The following ABI3BP variants were observed in gnomAD, a reference collection of about 807,000 sequenced individuals.
The protein encoded by ABI3BP is target of Nesh-SH3.
A neutral mutation model predicts 268.6 loss-of-function variants in ABI3BP; 216 were observed. The ratio of observed to expected loss-of-function variants is 0.80; its 90% CI spans 0.72 to 0.90. The LOEUF is 0.90. Among genes scored for constraint, ABI3BP ranks in the 40% least tolerant of loss-of-function variants. The pLI is 0.00. For synonymous variants in ABI3BP, 730 were observed against 730.0 expected (o/e 1.00, Z 0.00); for missense variants, 2,090 against 2,182.4 (o/e 0.96, Z 0.84).
chr3:100,850,585 T>C (rs2098826370), intron 16 of ABI3BP, 75 bp downstream of exon 16: 2 of 1,091,188 alleles, frequency 1.8e-6, no homozygotes, highest in Non-Finnish European at 2.8e-6. Flanking sequence ...GAAATGGTCA[T>C]TTGGAAGAAA....
At chr3:100,808,274 T>TG (rs2097766598) in intron 49 of ABI3BP, 39 bp from the exon 50 acceptor site, 1 of 1,509,804 alleles carries the variant, frequency 6.6e-7, no homozygotes, top group African/African-American at 1.4e-5. Flanking sequence ...CTTGAGCCCT[T>TG]CAAGAATGAC....
Position 100,778,367 on chromosome 3 carries a change from C to T in ABI3BP, c.4250G>A (p.Arg1417His), listed in dbSNP as rs775925923. Residue 1417 changes from arginine (R) to histidine (H), a missense_variant, in exon 59 of 68, where the codon CGC becomes CAC. Arg to His is a conservative substitution (Grantham distance 29). Transcript: ENST00000471714. ...THPTKKPGTR[R>H]PPLPPRPTHP... is the part of the protein sequence containing the mutation. ...TGTAGGTCTGGGTGGCAAGGGTGGG[C>T]GGCGAGTCCCTGGGATTGTGGATAA... 233 of 1,578,334 alleles carry T rather than the reference C, an allele frequency of 1.5e-4. No individual in the cohort carries two copies. The highest frequency in any genetic ancestry group is 5.0e-4 in the Middle Eastern group (3 of 5,960).
intron 1 of ABI3BP, among the ~76,000 whole-genome samples, chr3:100,926,816 T>G (rs2061937795): frequency 6.6e-6 from 1 of 152,116 alleles, no homozygotes; most frequent in Non-Finnish European, 1.5e-5. Flanking sequence ...AATTTTTTTA[T>G]TGGTAAAATT....
At chr3:100,972,028 T>TCATC (rs565344337) in intron 1 of ABI3BP, among the ~76,000 whole-genome samples, 4 of 152,130 alleles carry the variant, frequency 2.6e-5, no homozygotes, top group Non-Finnish European at 5.9e-5. Flanking sequence ...GGATGGAATG[T>TCATC]CATCCTTCCC....
At chr3:100,783,123 C>T (rs974410743) in intron 57 of ABI3BP, among the ~76,000 whole-genome samples, 1 of 152,146 alleles carries the variant, frequency 6.6e-6, no homozygotes, top group African/African-American at 2.4e-5. Flanking sequence ...CTTAAATGTA[C>T]CAGTGACTTC....
At position 100,899,612 on chromosome 3, in the gene ABI3BP, G is replaced by T. The variant is rs77620993; in HGVS notation, c.329-718C>A. Reference sequence around the variant, plus strand: ...ATTGTGTTCAAGTACACAGAAGCAGGCACTTGCACTTTCAAAATTATCTGA... The same window carrying T: ...ATTGTGTTCAAGTACACAGAAGCAGTCACTTGCACTTTCAAAATTATCTGA... On this transcript the variant is annotated intron_variant, in intron 3 of 67. Coordinates refer to ENST00000471714, the MANE Select transcript of ABI3BP (RefSeq NM_001375547.2). Among the ~76,000 whole-genome samples, 595 of 152,244 alleles carry T rather than the reference G, an allele frequency of 3.9e-3. 4 individuals are homozygous for T. The highest frequency in any genetic ancestry group is 0.013 in the African/African-American group (537 of 41,534).
chr3:100,992,741 G>C (rs2093147078), intron 1 of ABI3BP, among the ~76,000 whole-genome samples: 1 of 152,152 alleles, frequency 6.6e-6, no homozygotes, highest in Admixed American at 6.5e-5. Flanking sequence ...CCAAGAAAGG[G>C]GGGAGTGTCC....
chr3:100,837,095 T>C lies in ABI3BP; in HGVS notation c.2131+29A>G, dbSNP rs545187295. On this transcript the variant is annotated intron_variant, in intron 27 of 67. Coordinates refer to ENST00000471714, the MANE Select transcript of ABI3BP (RefSeq NM_001375547.2). ...TGAGAGGCGCAAGCTCAGAGAAACA[T>C]TGGCCAAGAAGGAAGAAAGCATCAT... 6.0e-5 allele frequency: 91 copies of C among 1,519,220 alleles called. No homozygotes were observed. The African/African-American group carries it at 1.1e-3, about 19-fold the overall frequency. 94.1% of individuals were successfully genotyped at this position (1,519,220 alleles called of 1,614,324 possible). A position where few individuals can be genotyped will look rare whatever the true frequency, so the allele number is the denominator to read the frequency against.
At chr3:100,786,846 T>G (rs1017451896) in intron 57 of ABI3BP, among the ~76,000 whole-genome samples, 1 of 152,154 alleles carries the variant, frequency 6.6e-6, no homozygotes, top group Non-Finnish European at 1.5e-5. Context: ...GGTTTGAAGA[T>G]AAGTGAATTC....
intron 62 of ABI3BP, 150 bp from the exon 63 acceptor site, chr3:100,766,099 T>C: frequency 1.7e-6 from 1 of 595,574 alleles, no homozygotes; most frequent in Non-Finnish European, 3.0e-6. Flanking sequence ...ACATTGGCAA[T>C]TTCCATATGG....
chr3:100,964,413 C>T (rs774611200), intron 1 of ABI3BP, among the ~76,000 whole-genome samples: 26 of 152,172 alleles, frequency 1.7e-4, no homozygotes, highest in South Asian at 4.1e-4. Flanking sequence ...CCGGGGCATC[C>T]GCCGCCAGCC....
chr3:100,841,943 A>G, intron 21 of ABI3BP, 55 bp downstream of exon 21: 2 of 1,328,912 alleles, frequency 1.5e-6, no homozygotes, highest in Non-Finnish European at 2.1e-6. Flanking sequence ...ACAAAGTTGA[A>G]CATGGAGAGT....
At chr3:100,937,124 A>G (rs947438116) in intron 1 of ABI3BP, among the ~76,000 whole-genome samples, 4 of 152,194 alleles carry the variant, frequency 2.6e-5, no homozygotes, top group African/African-American at 9.6e-5. Context: ...ATCATGAGTC[A>G]TTAGGGAAAT....
intron 28 of ABI3BP, among the ~76,000 whole-genome samples, chr3:100,835,037 C>T (rs2098553455): frequency 6.6e-6 from 1 of 152,068 alleles, no homozygotes; most frequent in African/African-American, 2.4e-5. Flanking sequence ...TCAAAGAGGG[C>T]CCAGACCCAA....
At chr3:100,856,211 C>G (rs1337780306) in intron 14 of ABI3BP, among the ~76,000 whole-genome samples, 1 of 152,184 alleles carries the variant, frequency 6.6e-6, no homozygotes, top group Non-Finnish European at 1.5e-5. Context: ...TTCAACCACT[C>G]TTAGCAAACC....
chr3:100,898,576 A>G (rs894160706), intron 4 of ABI3BP, among the ~76,000 whole-genome samples, 186 bp downstream of exon 4: 4 of 152,210 alleles, frequency 2.6e-5, no homozygotes, highest in Non-Finnish European at 4.4e-5. Flanking sequence ...TTTGAAAAAA[A>G]TTACATGTAT....
chr3:100,935,355 G>C (rs2065596370), intron 1 of ABI3BP, among the ~76,000 whole-genome samples: 1 of 152,134 alleles, frequency 6.6e-6, no homozygotes, highest in Non-Finnish European at 1.5e-5. Context: ...TTTGGTACAA[G>C]TACCATGATG....
At chr3:100,776,899 C>A (rs575672542) in intron 59 of ABI3BP, among the ~76,000 whole-genome samples, 1 of 152,116 alleles carries the variant, frequency 6.6e-6, no homozygotes, top group Non-Finnish European at 1.5e-5. Context: ...CTGGAGGGGG[C>A]CCCCAAGTGG....
Position 100,886,170 on chromosome 3 carries a change from C to T in ABI3BP, c.615G>A (p.Lys205=), listed in dbSNP as rs990128320. Residue 205 remains lysine, a synonymous_variant, in exon 5 of 68, where the codon AAG becomes AAA. Transcript: ENST00000471714. ...CAACAACAGTCTTGTGATTGAAAAT[C>T]TTACTCCAAATTCCACCTTCCACAT... is the stretch of plus-strand genomic sequence containing the variant. ...KDNVEGGIWS[K]IFNHKTVVGS... 1.9e-6 allele frequency: 3 copies of T among 1,599,262 alleles called. No homozygotes were observed. The African/African-American group carries it at 4.0e-5, about 22-fold the overall frequency.
Sources: allele counts gnomAD v4.1 joint callset (sites outside exome capture counted in the v4.1 genomes callset), GRCh38; gene constraint gnomAD v4.1.1; transcripts MANE v1.5; gene names NCBI Gene and HGNC (gene_info 2026-07-23, HGNC 2026-07-21).